The following FAT2 variants were observed in gnomAD, a reference collection of about 807,000 sequenced individuals.
The protein encoded by FAT2 is protocadherin Fat 2.
A neutral mutation model predicts 295.3 loss-of-function variants in FAT2; 150 were observed. The observed-to-expected ratio is 0.51, with a 90% CI of 0.44 to 0.58. The LOEUF (loss-of-function observed/expected upper bound fraction) is 0.58. FAT2 is among the 20% of genes least tolerant of loss of function. The probability of loss-of-function intolerance (pLI) is 0.00; values close to 1 mark genes in which losing one functional copy is unlikely to be tolerated. For synonymous variants in FAT2, 2,026 were observed against 2,150.3 expected (o/e 0.94, Z 1.60); for missense variants, 4,868 against 5,442.7 (o/e 0.89, Z 3.32).
In FAT2 at chr5:151,544,053, T is replaced by C. The variant is rs750560425; in HGVS notation, c.7074A>G (p.Pro2358=). ...KVRAMDKGDP[P]LTGETLVVVN... is the part of the protein sequence containing the mutation. ...CAACCACAAGGGTTTCACCAGTGAG[T>C]GGGGGATCTCCTTTATCCATGGCCC... The change falls in exon 10 of 24, where the codon CCA becomes CCG. Residue 2358 remains proline, a synonymous_variant. Coordinates refer to ENST00000261800, the MANE Select transcript of FAT2 (RefSeq NM_001447.3). The C allele has an allele frequency of 3.1e-6, 5 of 1,614,026 alleles. No individual in the cohort carries two copies. The East Asian group carries it at 6.7e-5, about 22-fold the overall frequency.
In FAT2 at chr5:151,567,478, C is replaced by G; in HGVS notation, c.1454G>C (p.Arg485Pro). Residue 485 changes from arginine to proline, a missense_variant, in exon 2 of 24, where the codon CGG (arginine) becomes CCG (proline). By Grantham distance (103) the Arg-to-Pro change is moderately radical (BLOSUM62 -2). Coordinates refer to ENST00000261800, the MANE Select transcript of FAT2 (RefSeq NM_001447.3). Reference sequence around the variant, plus strand: ...GACATATCCATTTTCCCCATGATCCCGGTCAGTGGCAGTCACAGCCAAAAC... The same window carrying G: ...GACATATCCATTTTCCCCATGATCCGGGTCAGTGGCAGTCACAGCCAAAAC... ...TSVLAVTATD[R>P]DHGENGYVTY... 1 of 1,614,068 alleles carries G rather than the reference C, an allele frequency of 6.2e-7. No individual in the cohort carries two copies. The highest frequency in any genetic ancestry group is 2.2e-5 in the East Asian group (1 of 44,888).
At chr5:151,565,647 A>ACGGCC in intron 2 of FAT2, 26 bp downstream of exon 2, 319 of 1,460,824 alleles carry the variant, frequency 2.2e-4, no homozygotes, top group East Asian at 2.7e-4. Context: ...TGGCCCTGGC[A>ACGGCC]CCCCACCCTA....
rs544059787 is a variant in FAT2, at chr5:151,577,606, G to A, written c.-20-8655C>T. On this transcript the variant is annotated intron_variant, in intron 1 of 23. Coordinates refer to ENST00000261800, the MANE Select transcript of FAT2 (RefSeq NM_001447.3). ...GAGTCAGGGAAGTCCTATATGACAA[G>A]GTGACATTTGGGCAGGGAGGTGAAC... Among the ~76,000 whole-genome samples the A allele has an allele frequency of 5.9e-5, 9 of 152,292 alleles. No homozygotes were observed. In the East Asian group the frequency reaches 1.7e-3, roughly 29 times the overall value.
chr5:151,517,428 T>A (rs1448840669), intron 20 of FAT2, among the ~76,000 whole-genome samples, 192 bp downstream of exon 20: 1 of 152,184 alleles, frequency 6.6e-6, no homozygotes, highest in Admixed American at 6.5e-5. Context: ...TGGACGTATA[T>A]CTCCAGGTTG....
chr5:151,574,248 G>A (rs556563132), intron 1 of FAT2, among the ~76,000 whole-genome samples: 1 of 152,144 alleles, frequency 6.6e-6, no homozygotes, highest in Non-Finnish European at 1.5e-5. Flanking sequence ...CCTAAGCCCC[G>A]TGGACCTTTT....
In FAT2 at chr5:151,586,176, C is replaced by T. The variant is rs375571745; in HGVS notation, c.-21+4989G>A. On this transcript the variant is annotated intron_variant, in intron 1 of 23. Transcript: ENST00000261800. ...CAGGCAGCAGCTCTGACACTGGACA[C>T]GTGAGCACATGCAGGCCAACACGTG... Among the ~76,000 whole-genome samples the T allele has an allele frequency of 7.9e-5, 12 of 152,362 alleles. 1 individual carries two copies. The South Asian group carries it at 1.7e-3, about 21-fold the overall frequency.
chr5:151,567,494 C>T lies in FAT2; in HGVS notation c.1438G>A (p.Val480Met), dbSNP rs527992752. 2 of 1,614,094 alleles carry T rather than the reference C, an allele frequency of 1.2e-6. No individual in the cohort carries two copies. Among genetic ancestry groups the T allele is most frequent in the African/African-American group, 2.7e-5 (2 of 75,024 alleles). Residue 480 changes from valine to methionine, a missense_variant, in exon 2 of 24, where the codon GTG becomes ATG. This residue lies in a region of FAT2 where 3,297 missense variants were observed against 3,669.4 expected (regional missense o/e 0.90). Transcript: ENST00000261800. ...CCATGATCCCGGTCAGTGGCAGTCA[C>T]AGCCAAAACACTGGTGCCTGGAGGG... is the stretch of plus-strand genomic sequence containing the variant. Reference protein sequence around the residue: ...NIPPGTSVLAVTATDRDHGEN... With the variant: ...NIPPGTSVLAMTATDRDHGEN...
chr5:151,573,167 G>C (rs1408653142), intron 1 of FAT2, among the ~76,000 whole-genome samples: 1 of 152,188 alleles, frequency 6.6e-6, no homozygotes, highest in Non-Finnish European at 1.5e-5. Context: ...GGCTCTGGCT[G>C]TGTGACCTTG....
Position 151,505,749 on chromosome 5 carries a change from C to T in FAT2, c.12866G>A (p.Cys4289Tyr), listed in dbSNP as rs371252623. 54 of 1,613,662 alleles carry T rather than the reference C, an allele frequency of 3.3e-5. No individual in the cohort carries two copies. In the East Asian group the frequency reaches 5.8e-4, roughly 17 times the overall value. ...CCCCTTGTAGCCCCCGTCTGCCAGG[C>T]AGGGCCCTCCCCCTCCCTGCCGGAA... Reference protein sequence around the residue: ...SQFRQGGGGPCLADGGYKGVG... With the variant: ...SQFRQGGGGPYLADGGYKGVG... Residue 4289 changes from cysteine (C) to tyrosine (Y), a missense_variant, in exon 24 of 24, where the codon TGC becomes TAC. This residue lies in a region of FAT2 where 492 missense variants were observed against 482.6 expected (regional missense o/e 1.02). Coordinates refer to ENST00000261800, the MANE Select transcript of FAT2 (RefSeq NM_001447.3).
Position 151,542,303 on chromosome 5 carries a change from C to T in FAT2, c.8824G>A (p.Val2942Ile). The T allele has an allele frequency of 1.2e-6, 2 of 1,602,256 alleles. No homozygotes were observed. Among genetic ancestry groups the T allele is most frequent in the Non-Finnish European group, 1.7e-6 (2 of 1,174,132 alleles). Residue 2942 changes from valine to isoleucine, a missense_variant, in exon 10 of 24, where the codon GTC becomes ATC. Physicochemically the swap from Val to Ile is conservative, Grantham distance 29 (BLOSUM62 3). This residue lies in a region of FAT2 where 3,297 missense variants were observed against 3,669.4 expected (regional missense o/e 0.90). Coordinates refer to ENST00000261800, the MANE Select transcript of FAT2 (RefSeq NM_001447.3). Reference sequence around the variant, plus strand: ...TTCTTACCTGTGATGTAGCAGGTGACCTGCCTGTTCTGCTCAGAAATGTCA... The same window carrying T: ...TTCTTACCTGTGATGTAGCAGGTGATCTGCCTGTTCTGCTCAGAAATGTCA... ...DADISEQNRQ[V>I]TCYITEGDPL...
chr5:151,563,211 C>T, intron 3 of FAT2, 114 bp downstream of exon 3: 1 of 990,288 alleles, frequency 1.0e-6, no homozygotes, highest in Non-Finnish European at 1.5e-6. Flanking sequence ...TAGGGTGGGG[C>T]CAGAGAATTT....
upstream of FAT2, among the ~76,000 whole-genome samples, chr5:151,594,291 C>T (rs997348725): frequency 1.5e-4 from 23 of 152,176 alleles, no homozygotes; most frequent in Non-Finnish European, 7.3e-5. Flanking sequence ...CTGGCGTGTG[C>T]CTCTCTTCAC....
chr5:151,591,631 A>C (rs967034203), upstream of FAT2, among the ~76,000 whole-genome samples: 4 of 123,180 alleles, frequency 3.2e-5, no homozygotes, highest in African/African-American at 9.3e-5. Flanking sequence ...CTTGGCTGTC[A>C]GAACAGTAGT....
intron 13 of FAT2, 23 bp downstream of exon 13, chr5:151,534,386 G>A (rs1755003592): frequency 1.9e-6 from 3 of 1,561,304 alleles, no homozygotes; most frequent in Admixed American, 1.7e-5. Context: ...ATTGGAAATG[G>A]CCTCAATCCT....
Position 151,531,466 on chromosome 5 carries a change from G to A in FAT2, c.9811+121C>T, listed in dbSNP as rs752934342. 25 of 1,318,318 alleles carry A rather than the reference G, an allele frequency of 1.9e-5. No individual in the cohort carries two copies. Among genetic ancestry groups the A allele is most frequent in the Non-Finnish European group, 2.5e-5 (24 of 964,968 alleles). The allele number at this position is 1,318,318 out of a possible 1,614,324, so 81.7% of individuals were successfully genotyped here. ...GAGAAGCAGAAGAGAATGGAGAAAC[G>A]ACCAGAGGAGGTCTGCTCTGGGAGG... On this transcript the variant is annotated intron_variant, in intron 14 of 23. Transcript: ENST00000261800. This position sits in a 1 kb window ranked among gnomAD's most constrained non-coding sequence, Gnocchi z 5.7.
intron 1 of FAT2, among the ~76,000 whole-genome samples, chr5:151,585,086 A>G (rs59332347): frequency 0.016 from 2,425 of 152,346 alleles, 66 homozygotes; most frequent in African/African-American, 0.054. Context: ...GCAACTTCCA[A>G]ATTAACTCGC....
At position 151,512,985 on chromosome 5, in the gene FAT2, C is replaced by T. The variant is rs1369720181; in HGVS notation, c.11464-379G>A. On this transcript the variant is annotated intron_variant, in intron 20 of 23. Coordinates refer to ENST00000261800, the MANE Select transcript of FAT2 (RefSeq NM_001447.3). The surrounding 1 kb of genome is among the most constrained non-coding windows in gnomAD (Gnocchi z 4.1). ...TTGAAAAACCTGTCTCCCACTCCCA[C>T]TTCCTTATTCAACAGCTTAGCAGTT... Among the ~76,000 whole-genome samples, 1 of 152,250 alleles carries T rather than the reference C, an allele frequency of 6.6e-6. No homozygotes were observed. Among genetic ancestry groups the T allele is most frequent in the African/African-American group, 2.4e-5 (1 of 41,466 alleles).
In FAT2 at chr5:151,591,290, C is replaced by CGCA. The variant is rs749962205; in HGVS notation, c.-149_-147dup. Among the ~76,000 whole-genome samples the CGCA allele has an allele frequency of 2.6e-5, 4 of 152,260 alleles. No homozygotes were observed. Among genetic ancestry groups the CGCA allele is most frequent in the Admixed American group, 6.5e-5 (1 of 15,298 alleles). The stretch of plus-strand genomic sequence containing the variant: ...ACTCGGAGCAGGAAGGCGCGCAGCC[C>CGCA]GCAGCCGGAGAGGCTGCTGAGAAAG... On this transcript the variant is annotated 5_prime_UTR_variant, in exon 1 of 24. Transcript: ENST00000261800.
chr5:151,538,698 G>C (rs1346708124), intron 11 of FAT2, among the ~76,000 whole-genome samples: 1 of 152,098 alleles, frequency 6.6e-6, no homozygotes, highest in South Asian at 2.1e-4. Flanking sequence ...TCTTTTTTGA[G>C]ACAGAGTCTC....
Sources: gnomAD v4.1 joint callset for allele counts (sites outside exome capture counted in the v4.1 genomes callset) on GRCh38, gnomAD v4.1.1 for gene constraint, gnomAD v4.1.1 regional missense constraint, Gnocchi (gnomAD v3.1) non-coding constraint, MANE v1.5 for transcripts, NCBI Gene and HGNC (gene_info 2026-07-23, HGNC 2026-07-21) for gene names.